The following ZBTB46 variants were observed in gnomAD, a reference collection of about 807,000 sequenced individuals.
ZBTB46 encodes the protein zinc finger and BTB domain containing 46, also known as zinc finger and BTB domain-containing protein 46.
A neutral mutation model predicts 44.1 loss-of-function variants in ZBTB46; 8 were observed. That is an observed-to-expected ratio of 0.18 (90% CI 0.11 to 0.33). The LOEUF is 0.33. Ranked by LOEUF, ZBTB46 falls within the 10% of genes least tolerant of loss-of-function variation. ZBTB46 has a pLI of 1.00. For synonymous variants in ZBTB46, 409 were observed against 382.3 expected (o/e 1.07, Z -0.81); for missense variants, 651 against 847.7 (o/e 0.77, Z 2.88).
At chr20:63,832,452 C>T (rs566637317), upstream of ZBTB46, among the ~76,000 whole-genome samples, 3 of 152,302 alleles carry the variant, frequency 2.0e-5, no homozygotes, top group Non-Finnish European at 2.9e-5. This position sits in a 1 kb window ranked among gnomAD's most constrained non-coding sequence, Gnocchi z 5.0. Context: ...GCAGCGGATT[C>T]CTCGGGAGGT....
intron 2 of ZBTB46, among the ~76,000 whole-genome samples, chr20:63,783,421 C>T (rs186798355): frequency 1.6e-4 from 24 of 152,332 alleles, no homozygotes; most frequent in South Asian, 4.1e-4. Context: ...GAGCGAGACT[C>T]CGTCTCAAAA....
chr20:63,805,352 T>A (rs1601510741), intron 1 of ZBTB46, among the ~76,000 whole-genome samples: 1 of 152,054 alleles, frequency 6.6e-6, no homozygotes, highest in African/African-American at 2.4e-5. Flanking sequence ...TCGCAGCACG[T>A]TGAGAGGCTG....
At chr20:63,832,797 TG>T (rs1600745817), upstream of ZBTB46, among the ~76,000 whole-genome samples, 1 of 151,916 alleles carries the variant, frequency 6.6e-6, no homozygotes, top group Admixed American at 6.5e-5. The surrounding 1 kb of genome is among the most constrained non-coding windows in gnomAD (Gnocchi z 5.0). Flanking sequence ...CTTCGGGAAG[TG>T]GGGGCTGAGC....
At chr20:63,792,522 T>C (rs2092569696) in intron 1 of ZBTB46, among the ~76,000 whole-genome samples, 1 of 145,094 alleles carries the variant, frequency 6.9e-6, no homozygotes, top group African/African-American at 2.5e-5. Context: ...TATTTTCTTC[T>C]TTTTTTTTTT....
chr20:63,765,585 C>T (rs920217044), intron 3 of ZBTB46, among the ~76,000 whole-genome samples: 4 of 152,220 alleles, frequency 2.6e-5, no homozygotes, highest in Non-Finnish European at 5.9e-5. Flanking sequence ...CACAGCACCA[C>T]GCTCAGCTAA....
chr20:63,774,767 G>A (rs1165482259), intron 3 of ZBTB46, among the ~76,000 whole-genome samples: 13 of 149,588 alleles, frequency 8.7e-5, no homozygotes, highest in Non-Finnish European at 1.8e-4. Flanking sequence ...GCAGTGGCGC[G>A]ATCTCGGCTC....
At chr20:63,804,015 G>A (rs892575253) in intron 1 of ZBTB46, among the ~76,000 whole-genome samples, 3 of 152,160 alleles carry the variant, frequency 2.0e-5, no homozygotes, top group African/African-American at 7.2e-5. Flanking sequence ...ACTTCCTTCT[G>A]TCGGGCGTCC....
At position 63,789,877 on chromosome 20, in the gene ZBTB46, G is replaced by C. The variant is rs1302343373; in HGVS notation, c.881C>G (p.Ser294Cys). ...CGTCGGCAGGAAGGACGGCACCGGG[G>C]AGCTGGCCCGGCTGTCATCTTCCAC... Reference protein sequence around the residue: ...QQVEDDSRASSPVPSFLPTSG... With the variant: ...QQVEDDSRASCPVPSFLPTSG... The change falls in exon 2 of 5, where the codon TCC (serine) becomes TGC (cysteine). Residue 294 changes from serine (S) to cysteine (C), a missense_variant. Ser to Cys is a moderately radical substitution (Grantham distance 112, BLOSUM62 -1). This residue lies in a region of ZBTB46 where 385 missense variants were observed against 423.3 expected (regional missense o/e 0.91). Coordinates refer to ENST00000245663, the MANE Select transcript of ZBTB46 (RefSeq NM_001369741.1). The C allele has an allele frequency of 6.2e-7, 1 of 1,613,606 alleles. No homozygotes were observed. Among genetic ancestry groups the C allele is most frequent in the African/African-American group, 1.3e-5 (1 of 74,952 alleles).
At chr20:63,768,061 G>A in intron 3 of ZBTB46, 7 of 985,460 alleles carry the variant, frequency 7.1e-6, no homozygotes, top group East Asian at 1.1e-4. Context: ...ACACTCTGCT[G>A]CCCTCACTCA....
chr20:63,816,001 G>GGTGCA (rs1568902496), intron 1 of ZBTB46, among the ~76,000 whole-genome samples: 5 of 147,364 alleles, frequency 3.4e-5, no homozygotes, highest in African/African-American at 1.0e-4. Flanking sequence ...AGTGGGCACA[G>GGTGCA]GTGGGCACAG....
intron 1 of ZBTB46, among the ~76,000 whole-genome samples, chr20:63,791,599 C>G (rs960896113): frequency 1.3e-5 from 2 of 151,754 alleles, no homozygotes; most frequent in African/African-American, 4.8e-5. Context: ...ACTCTGAGCT[C>G]AAACGAGCTG....
At chr20:63,763,247 G>A (rs1053029083) in intron 3 of ZBTB46, among the ~76,000 whole-genome samples, 1 of 152,092 alleles carries the variant, frequency 6.6e-6, no homozygotes, top group East Asian at 1.9e-4. Context: ...CTATCATCTT[G>A]TTTTTTATTT....
In ZBTB46 at chr20:63,752,161, C is replaced by T. The variant is rs2092174171; in HGVS notation, c.1398+525G>A. On this transcript the variant is annotated intron_variant, in intron 4 of 4. Coordinates refer to ENST00000245663, the MANE Select transcript of ZBTB46 (RefSeq NM_001369741.1). This position sits in a 1 kb window ranked among gnomAD's most constrained non-coding sequence, Gnocchi z 5.6. Reference sequence around the variant, plus strand: ...TGGTTGATCTCACCCACTTGAGATGCCCTCGCCAGGCCTTTTTTGGCAAAT... The same window carrying T: ...TGGTTGATCTCACCCACTTGAGATGTCCTCGCCAGGCCTTTTTTGGCAAAT... Among the ~76,000 whole-genome samples, 1 of 152,176 alleles carries T rather than the reference C, an allele frequency of 6.6e-6. No individual in the cohort carries two copies. Among genetic ancestry groups the T allele is most frequent in the African/African-American group, 2.4e-5 (1 of 41,438 alleles).
At chr20:63,789,363 G>A (rs939708470) in intron 2 of ZBTB46, among the ~76,000 whole-genome samples, 5 of 152,214 alleles carry the variant, frequency 3.3e-5, no homozygotes, top group African/African-American at 4.8e-5. Context: ...CAGAAGTCCA[G>A]GATGAAAAGC....
Position 63,746,785 on chromosome 20 carries a change from GTT to G in ZBTB46, c.*143_*144del, listed in dbSNP as rs2145738935. On this transcript the variant is annotated 3_prime_UTR_variant, in exon 5 of 5. Coordinates refer to ENST00000245663, the MANE Select transcript of ZBTB46 (RefSeq NM_001369741.1). ...CGCACCTGCTTAGCCCGCAGGGCTG[GTT>G]TCCGTGGGGGGTGGGTTCAGGGGGA... is the stretch of plus-strand genomic sequence containing the variant. 7.6e-7 allele frequency: 1 copy of G among 1,312,694 alleles called. No homozygotes were observed. The highest frequency in any genetic ancestry group is 1.5e-5 in the African/African-American group (1 of 65,312). The allele number at this position is 1,312,694 out of a possible 1,614,324, so 81.3% of individuals were successfully genotyped here. A position where few individuals can be genotyped will look rare whatever the true frequency, so the allele number is the denominator to read the frequency against.
At chr20:63,794,047 G>A (rs894651427) in intron 1 of ZBTB46, among the ~76,000 whole-genome samples, 1 of 151,988 alleles carries the variant, frequency 6.6e-6, no homozygotes, top group Non-Finnish European at 1.5e-5. Context: ...TTTGCTGGGC[G>A]TGATGGCGAG....
At chr20:63,765,248 G>A (rs1000140913) in intron 3 of ZBTB46, among the ~76,000 whole-genome samples, 17 of 152,022 alleles carry the variant, frequency 1.1e-4, no homozygotes, top group African/African-American at 3.6e-4. Context: ...TGGCTGCCCC[G>A]AAGGACAATC....
At chr20:63,758,223 C>A (rs529944339) in intron 3 of ZBTB46, among the ~76,000 whole-genome samples, 1 of 148,964 alleles carries the variant, frequency 6.7e-6, no homozygotes, top group South Asian at 2.2e-4. Flanking sequence ...ACTCCCTCCT[C>A]CTGCTCCATA....
intron 4 of ZBTB46, among the ~76,000 whole-genome samples, chr20:63,751,655 T>C (rs1202265061): frequency 1.3e-5 from 2 of 149,006 alleles, no homozygotes; most frequent in African/African-American, 5.0e-5. Flanking sequence ...CGCCCCCCGG[T>C]GGGTCTCCCC....
Sources: gnomAD v4.1 joint callset for allele counts (sites outside exome capture counted in the v4.1 genomes callset) on GRCh38, gnomAD v4.1.1 for gene constraint, gnomAD v4.1.1 regional missense constraint, Gnocchi (gnomAD v3.1) non-coding constraint, MANE v1.5 for transcripts, NCBI Gene and HGNC (gene_info 2026-07-23, HGNC 2026-07-21) for gene names.